Variants in GREM1 observed in about 807,000 individuals in gnomAD.
The protein encoded by GREM1 is gremlin-1.
A neutral mutation model predicts 13.1 loss-of-function variants in GREM1; 6 were observed. That is an observed-to-expected ratio of 0.46 (90% CI 0.25 to 0.91). The LOEUF (loss-of-function observed/expected upper bound fraction) is 0.91, where lower values mean the gene tolerates loss of function less well. Among genes scored for constraint, GREM1 ranks in the 40% least tolerant of loss-of-function variants. GREM1 has a pLI of 0.18. For missense variants in GREM1, 185 were observed against 233.9 expected, an observed-to-expected ratio of 0.79 and a Z score of 1.36; for synonymous variants, 98 against 93.7, an observed-to-expected ratio of 1.05 and a Z score of -0.27.
chr15:32,735,476 T>G lies in GREM1; in HGVS notation c.*4231T>G, dbSNP rs1041150031. ...AAACTGTGAGCAACTTTTATCGGTTTGTTCTTTTAAGAACATAACACAGCA... is the reference window on the plus strand; with the variant it reads ...AAACTGTGAGCAACTTTTATCGGTTGGTTCTTTTAAGAACATAACACAGCA... On this transcript the variant is annotated 3_prime_UTR_variant, in exon 2 of 2. Transcript: ENST00000651154. The G allele has an allele frequency of 6.6e-6, 1 of 152,226 alleles. No homozygotes were observed. The highest frequency in any genetic ancestry group is 2.4e-5 in the African/African-American group (1 of 41,464). The allele number at this position is 152,226 out of a possible 1,614,324, so 9.4% of individuals were successfully genotyped here.
chr15:32,738,110 A>AC lies in GREM1; in HGVS notation c.*6865_*6866insC, dbSNP rs1567117493. 6.5e-5 allele frequency: 8 copies of AC among 122,654 alleles called. No individual in the cohort carries two copies. The highest frequency in any genetic ancestry group is 4.2e-4 in the Admixed American group (5 of 11,814). The allele number at this position is 122,654 out of a possible 1,614,324, so 7.6% of individuals were successfully genotyped here. ...AAAAAAAAAAAAAAAAAAAAAAAAA[A>AC]AAAAAAAAAAAAAAAAAAAAAAAGA... On this transcript the variant is annotated 3_prime_UTR_variant, in exon 2 of 2. Coordinates refer to ENST00000651154, the MANE Select transcript of GREM1 (RefSeq NM_013372.7).
At chr15:32,719,986 G>A (rs1345375692) in intron 1 of GREM1, among the ~76,000 whole-genome samples, 1 of 152,110 alleles carries the variant, frequency 6.6e-6, no homozygotes, top group Non-Finnish European at 1.5e-5. Flanking sequence ...AACAGTAGGT[G>A]ATTTGATTAC....
chr15:32,731,413 G>C lies in GREM1; in HGVS notation c.*168G>C. The C allele has an allele frequency of 3.2e-6, 2 of 620,024 alleles. No homozygotes were observed. The highest frequency in any genetic ancestry group is 5.8e-6 in the Non-Finnish European group (2 of 343,006). 38.4% of individuals were successfully genotyped at this position (620,024 alleles called of 1,614,324 possible). On this transcript the variant is annotated 3_prime_UTR_variant, in exon 2 of 2. Coordinates refer to ENST00000651154, the MANE Select transcript of GREM1 (RefSeq NM_013372.7). ...AGTTCGTGTGCATGAGTGTGGATGG[G>C]TGCCTGTGGGTGTTTTTAGACACCA...
In GREM1 at chr15:32,740,753, A is replaced by G. The variant is rs1191485395; in HGVS notation, c.*9508A>G. Reference sequence around the variant, plus strand: ...TCCAAGAAGCCCAAAGGTCATAAAAAAGTGATCCCAAAGCCTACAGGCATA... The same window carrying G: ...TCCAAGAAGCCCAAAGGTCATAAAAGAGTGATCCCAAAGCCTACAGGCATA... On this transcript the variant is annotated 3_prime_UTR_variant, in exon 2 of 2. Coordinates refer to ENST00000651154, the MANE Select transcript of GREM1 (RefSeq NM_013372.7). 6.6e-6 allele frequency: 1 copy of G among 152,220 alleles called. No homozygotes were observed. Among genetic ancestry groups the G allele is most frequent in the Non-Finnish European group, 1.5e-5 (1 of 68,032 alleles). 9.4% of individuals were successfully genotyped at this position (152,220 alleles called of 1,614,324 possible).
At position 32,733,097 on chromosome 15, in the gene GREM1, G is replaced by A. The variant is rs2055648696; in HGVS notation, c.*1852G>A. ...GGGAGATATTTTAAACACCCAAAAT[G>A]TTGGGTCTGATTTTCAAACTTTTAA... On this transcript the variant is annotated 3_prime_UTR_variant, in exon 2 of 2. Coordinates refer to ENST00000651154, the MANE Select transcript of GREM1 (RefSeq NM_013372.7). 4.3e-6 allele frequency: 1 copy of A among 232,008 alleles called. No homozygotes were observed. Among genetic ancestry groups the A allele is most frequent in the Non-Finnish European group, 9.3e-6 (1 of 108,076 alleles). 14.4% of individuals were successfully genotyped at this position (232,008 alleles called of 1,614,324 possible).
chr15:32,731,065 C>T lies in GREM1; in HGVS notation c.375C>T (p.Phe125=). The part of the protein sequence containing the change: ...NRFCYGQCNS[F]YIPRHIRKEE... ...TCTGTTACGGCCAGTGCAACTCTTTCTACATCCCCAGGCACATCCGGAAGG... is the reference window on the plus strand; with the variant it reads ...TCTGTTACGGCCAGTGCAACTCTTTTTACATCCCCAGGCACATCCGGAAGG... The change falls in exon 2 of 2, where the codon TTC becomes TTT. Residue 125 remains phenylalanine, a synonymous_variant. Coordinates refer to ENST00000651154, the MANE Select transcript of GREM1 (RefSeq NM_013372.7). The T allele has an allele frequency of 6.2e-7, 1 of 1,614,222 alleles. No homozygotes were observed. Among genetic ancestry groups the T allele is most frequent in the Non-Finnish European group, 8.5e-7 (1 of 1,180,028 alleles).
rs993153412 is a variant in GREM1 at position 32,736,592 on chromosome 15, A to T, written c.*5347A>T. 6.6e-6 allele frequency: 1 copy of T among 152,148 alleles called. No homozygotes were observed. Among genetic ancestry groups the T allele is most frequent in the African/African-American group, 2.4e-5 (1 of 41,418 alleles). 9.4% of individuals were successfully genotyped at this position (152,148 alleles called of 1,614,324 possible). A position where few individuals can be genotyped will look rare whatever the true frequency, so the allele number is the denominator to read the frequency against. ...ATTCACACAGAGCTCCTTGGCAGAG[A>T]CTGGTTGAATTATTGATTCCAAGTG... On this transcript the variant is annotated 3_prime_UTR_variant, in exon 2 of 2. Coordinates refer to ENST00000651154, the MANE Select transcript of GREM1 (RefSeq NM_013372.7).
In GREM1 at chr15:32,743,921, A is replaced by G. The variant is rs1291747243; in HGVS notation, c.*12676A>G. On this transcript the variant is annotated 3_prime_UTR_variant, in exon 2 of 2. Transcript: ENST00000651154. ...AGTTCCTCAGTTCCTCACCATGTGA[A>G]CCTCTCTTCACGACTTAGTAACTGG... 6.6e-6 allele frequency: 1 copy of G among 152,128 alleles called. No individual in the cohort carries two copies. The highest frequency in any genetic ancestry group is 2.4e-5 in the African/African-American group (1 of 41,428). The allele number at this position is 152,128 out of a possible 1,614,324, so 9.4% of individuals were successfully genotyped here. A position where few individuals can be genotyped will look rare whatever the true frequency, so the allele number is the denominator to read the frequency against.
At position 32,732,743 on chromosome 15, in the gene GREM1, T is replaced by G; in HGVS notation, c.*1498T>G. ...CACTGTCCTCTGATTAAACTTGGCC[T>G]ACTGGCAATGGCTACTTAGGATTGA... On this transcript the variant is annotated 3_prime_UTR_variant, in exon 2 of 2. Transcript: ENST00000651154. 1 of 229,994 alleles carries G rather than the reference T, an allele frequency of 4.3e-6. No homozygotes were observed. Among genetic ancestry groups the G allele is most frequent in the Admixed American group, 5.8e-5 (1 of 17,214 alleles). 14.2% of individuals were successfully genotyped at this position (229,994 alleles called of 1,614,324 possible). A position where few individuals can be genotyped will look rare whatever the true frequency, so the allele number is the denominator to read the frequency against.
intron 1 of GREM1, among the ~76,000 whole-genome samples, chr15:32,721,841 A>C (rs759108509): frequency 1.8e-4 from 28 of 152,256 alleles, no homozygotes; most frequent in Non-Finnish European, 3.5e-4. Flanking sequence ...AGTGCTGCTC[A>C]GTGAACATTT....
At chr15:32,718,481 G>T in intron 1 of GREM1, 1 of 465,302 alleles carries the variant, frequency 2.1e-6, no homozygotes, top group South Asian at 1.5e-5. Flanking sequence ...AGCAGCGCCT[G>T]GCAGACGCGC....
At chr15:32,727,924 A>G (rs568023451) in intron 1 of GREM1, among the ~76,000 whole-genome samples, 10 of 152,224 alleles carry the variant, frequency 6.6e-5, no homozygotes, top group Non-Finnish European at 1.0e-4. Flanking sequence ...AATCCAACTT[A>G]CAAGGGATGT....
intron 1 of GREM1, among the ~76,000 whole-genome samples, chr15:32,719,252 C>T (rs1375840765): frequency 1.3e-5 from 2 of 152,234 alleles, no homozygotes; most frequent in East Asian, 3.9e-4. Flanking sequence ...GAAGAACAGA[C>T]GCGCCACCGC....
Position 32,731,969 on chromosome 15 carries a change from G to A in GREM1, c.*724G>A, listed in dbSNP as rs930635087. On this transcript the variant is annotated 3_prime_UTR_variant, in exon 2 of 2. Coordinates refer to ENST00000651154, the MANE Select transcript of GREM1 (RefSeq NM_013372.7). ...GTAGGGACATTGCAGAAGCTTGAAA[G>A]GCCAATACCAGAACACAGGCTGATG... 6.6e-4 allele frequency: 154 copies of A among 231,812 alleles called. 1 individual carries two copies. The highest frequency in any genetic ancestry group is 1.6e-4 in the Non-Finnish European group (17 of 107,662). The allele number at this position is 231,812 out of a possible 1,614,324, so 14.4% of individuals were successfully genotyped here. A position where few individuals can be genotyped will look rare whatever the true frequency, so the allele number is the denominator to read the frequency against.
rs192160732 is a variant in GREM1, at chr15:32,735,398, A to G, written c.*4153A>G. 2 of 152,312 alleles carry G rather than the reference A, an allele frequency of 1.3e-5. No homozygotes were observed. The highest frequency in any genetic ancestry group is 4.8e-5 in the African/African-American group (2 of 41,562). 9.4% of individuals were successfully genotyped at this position (152,312 alleles called of 1,614,324 possible). On this transcript the variant is annotated 3_prime_UTR_variant, in exon 2 of 2. Transcript: ENST00000651154. ...GTAGGTACCATTATCACTGCTAGAA[A>G]GCAGTGAACTTATATGGTCTTACTG...
chr15:32,719,309 C>T (rs1403377014), intron 1 of GREM1, among the ~76,000 whole-genome samples: 2 of 152,226 alleles, frequency 1.3e-5, no homozygotes, highest in South Asian at 2.1e-4. Context: ...TTGGGGGTGC[C>T]CCAGCTTGGC....
Position 32,735,865 on chromosome 15 carries a change from T to C in GREM1, c.*4620T>C, listed in dbSNP as rs534047261. The C allele has an allele frequency of 3.9e-5, 6 of 151,900 alleles. No individual in the cohort carries two copies. Among genetic ancestry groups the C allele is most frequent in the Admixed American group, 6.5e-5 (1 of 15,286 alleles). The allele number at this position is 151,900 out of a possible 1,614,324, so 9.4% of individuals were successfully genotyped here. A position where few individuals can be genotyped will look rare whatever the true frequency, so the allele number is the denominator to read the frequency against. On this transcript the variant is annotated 3_prime_UTR_variant, in exon 2 of 2. Transcript: ENST00000651154. ...AAGAGTCTCTCCTCCATAAAACTAATGAGAATGTGACAAAAATAGATTCAA... is the reference window on the plus strand; with the variant it reads ...AAGAGTCTCTCCTCCATAAAACTAACGAGAATGTGACAAAAATAGATTCAA...
rs945356806 is a variant in GREM1, at chr15:32,738,357, T to G, written c.*7112T>G. ...AAATAAAATTAAGAAAATAGCACCC[T>G]TTGAATAGTATCAAAAAGAATAAAA... On this transcript the variant is annotated 3_prime_UTR_variant, in exon 2 of 2. Coordinates refer to ENST00000651154, the MANE Select transcript of GREM1 (RefSeq NM_013372.7). 3 of 151,876 alleles carry G rather than the reference T, an allele frequency of 2.0e-5. No individual in the cohort carries two copies. Among genetic ancestry groups the G allele is most frequent in the African/African-American group, 7.3e-5 (3 of 41,374 alleles). 9.4% of individuals were successfully genotyped at this position (151,876 alleles called of 1,614,324 possible). A position where few individuals can be genotyped will look rare whatever the true frequency, so the allele number is the denominator to read the frequency against.
At chr15:32,727,545 A>G (rs909813570) in intron 1 of GREM1, among the ~76,000 whole-genome samples, 8 of 152,212 alleles carry the variant, frequency 5.3e-5, no homozygotes, top group African/African-American at 1.9e-4. Context: ...TATCATACTG[A>G]ATGGGCAAAA....
Sources: gnomAD v4.1 joint callset for allele counts (sites outside exome capture counted in the v4.1 genomes callset) on GRCh38, gnomAD v4.1.1 for gene constraint, MANE v1.5 for transcripts, NCBI Gene and HGNC (gene_info 2026-07-23, HGNC 2026-07-21) for gene names.